Variants in MON2 observed in about 807,000 individuals in gnomAD.
The protein encoded by MON2 is protein MON2 homolog.
A neutral mutation model predicts 208.6 loss-of-function variants in MON2; 84 were observed. That is an observed-to-expected ratio of 0.40 (90% CI 0.34 to 0.48). The LOEUF (loss-of-function observed/expected upper bound fraction) is 0.48, where lower values mean the gene tolerates loss of function less well. Ranked by LOEUF, MON2 falls within the 20% of genes least tolerant of loss-of-function variation. The pLI is 0.59. For missense variants in MON2, 1,611 were observed against 2,015.4 expected (o/e 0.80, Z 3.84); for synonymous variants, 660 against 694.0 (o/e 0.95, Z 0.77).
chr12:62,553,212 G>T (rs1240715578), intron 24 of MON2, 38 bp downstream of exon 24: 2 of 1,539,454 alleles, frequency 1.3e-6, no homozygotes, highest in African/African-American at 1.4e-5. Flanking sequence ...CTTTTAATGA[G>T]TCATGCTTAT....
chr12:62,564,480 A>T (rs1396749630), intron 26 of MON2, among the ~76,000 whole-genome samples: 3 of 151,962 alleles, frequency 2.0e-5, no homozygotes, highest in Non-Finnish European at 4.4e-5. Flanking sequence ...AAATACGAAA[A>T]GAAAAATTTG....
intron 32 of MON2, among the ~76,000 whole-genome samples, chr12:62,581,835 A>G (rs1453331504): frequency 6.6e-6 from 1 of 152,222 alleles, no homozygotes; most frequent in Non-Finnish European, 1.5e-5. Flanking sequence ...CTCAAAAACA[A>G]AAAAGAAAAA....
chr12:62,527,699 C>T (rs1031912258), intron 11 of MON2, among the ~76,000 whole-genome samples: 2 of 151,712 alleles, frequency 1.3e-5, no homozygotes. Context: ...ATAATATAAC[C>T]TTGGGTAGTG....
chr12:62,507,394 C>A lies in MON2; in HGVS notation c.790-892C>A, dbSNP rs538189918. 9.2e-4 allele frequency among the ~76,000 whole-genome samples: 140 copies of A among 151,558 alleles called. 1 individual carries two copies. Among genetic ancestry groups the A allele is most frequent in the Non-Finnish European group, 1.7e-3 (116 of 67,904 alleles). ...ACAGTGGTGTGATCATGGCTCACTG[C>A]AGCCTCAACCTCCCTGGGCTCAAGT... is the stretch of plus-strand genomic sequence containing the variant. On this transcript the variant is annotated intron_variant, in intron 7 of 34. Transcript: ENST00000393630.
At chr12:62,485,199 T>C (rs1279394373) in intron 2 of MON2, among the ~76,000 whole-genome samples, 4 of 152,212 alleles carry the variant, frequency 2.6e-5, no homozygotes, top group African/African-American at 9.6e-5. Context: ...ATGTAACCAG[T>C]GCTTGCTTCA....
intron 32 of MON2, among the ~76,000 whole-genome samples, chr12:62,585,065 GCACACACACA>G (rs57834850): frequency 0.045 from 4,447 of 98,794 alleles, 187 homozygotes; most frequent in African/African-American, 0.091. Context: ...CTCTCTACAT[GCACACACACA>G]CACACACACA....
At chr12:62,586,988 A>G (rs1292199138) in intron 33 of MON2, among the ~76,000 whole-genome samples, 2 of 152,196 alleles carry the variant, frequency 1.3e-5, no homozygotes, top group Non-Finnish European at 2.9e-5. Flanking sequence ...AAATACTTCA[A>G]TGCTTACAAT....
chr12:62,487,369 T>C (rs763030826), intron 2 of MON2, among the ~76,000 whole-genome samples: 1 of 152,142 alleles, frequency 6.6e-6, no homozygotes, highest in Admixed American at 6.5e-5. Context: ...TTTGCATAAA[T>C]TTTTGTAACA....
At position 62,494,158 on chromosome 12, in the gene MON2, C is replaced by G. The variant is rs11174512; in HGVS notation, c.303+116C>G. 10 of 925,654 alleles carry G rather than the reference C, an allele frequency of 1.1e-5. No individual in the cohort carries two copies. The Admixed American group carries it at 2.6e-4, about 24-fold the overall frequency. The allele number at this position is 925,654 out of a possible 1,614,324, so 57.3% of individuals were successfully genotyped here. ...AAACTTTTACAAATAGCAATGTGCT[C>G]GGAGAAAATGGCTTTATTTAAAAAT... On this transcript the variant is annotated intron_variant, in intron 3 of 34. Coordinates refer to ENST00000393630, the MANE Select transcript of MON2 (RefSeq NM_015026.3).
At chr12:62,586,920 C>T (rs916717333) in intron 33 of MON2, among the ~76,000 whole-genome samples, 2 of 152,088 alleles carry the variant, frequency 1.3e-5, no homozygotes, top group African/African-American at 4.8e-5. Flanking sequence ...TTGTATCATT[C>T]TGTGTTTGTT....
At chr12:62,561,373 G>A (rs1404031520) in intron 26 of MON2, among the ~76,000 whole-genome samples, 1 of 151,918 alleles carries the variant, frequency 6.6e-6, no homozygotes, top group Non-Finnish European at 1.5e-5. Flanking sequence ...AGGATTTTTG[G>A]TTTGTCCACG....
chr12:62,520,114 G>A (rs2071939215), intron 8 of MON2, among the ~76,000 whole-genome samples: 1 of 152,234 alleles, frequency 6.6e-6, no homozygotes, highest in Middle Eastern at 3.4e-3. Context: ...ACACCCTGCC[G>A]ACACTTTCTT....
intron 19 of MON2, among the ~76,000 whole-genome samples, chr12:62,539,215 A>G (rs2073121742): frequency 6.6e-6 from 1 of 152,128 alleles, no homozygotes; most frequent in Non-Finnish European, 1.5e-5. Context: ...TAAAATTTAT[A>G]TAATTTAAAG....
intron 25 of MON2, among the ~76,000 whole-genome samples, chr12:62,558,467 A>G (rs1470535769): frequency 6.6e-6 from 1 of 152,166 alleles, no homozygotes; most frequent in Non-Finnish European, 1.5e-5. Context: ...TTAATAGAGA[A>G]ATTGCAGGAG....
intron 26 of MON2, among the ~76,000 whole-genome samples, chr12:62,564,677 G>A (rs1006814800): frequency 6.6e-6 from 1 of 151,734 alleles, no homozygotes. Context: ...AAATCAAATC[G>A]ATATATTTAG....
At chr12:62,565,590 T>G (rs1490097517) in intron 27 of MON2, among the ~76,000 whole-genome samples, 1 of 152,202 alleles carries the variant, frequency 6.6e-6, no homozygotes, top group Non-Finnish European at 1.5e-5. Flanking sequence ...ATGACTTTCC[T>G]CTTCCAACTG....
At chr12:62,592,487 G>T in intron 34 of MON2, 99 bp from the exon 35 acceptor site, 1 of 937,096 alleles carries the variant, frequency 1.1e-6, no homozygotes, top group Non-Finnish European at 1.5e-6. Context: ...ATGTTTCAGA[G>T]TTTTTTCTTT....
Position 62,592,894 on chromosome 12 carries a change from A to G in MON2, c.*145A>G, listed in dbSNP as rs1592495848. 5.6e-6 allele frequency: 4 copies of G among 714,252 alleles called. No individual in the cohort carries two copies. The East Asian group carries it at 8.1e-5, about 14-fold the overall frequency. 44.2% of individuals were successfully genotyped at this position (714,252 alleles called of 1,614,324 possible). Reference sequence around the variant, plus strand: ...CTTTAAATTCTACTTACCTGAGTTCAGTAATTCATATTACAGGCTTGCACA... The same window carrying G: ...CTTTAAATTCTACTTACCTGAGTTCGGTAATTCATATTACAGGCTTGCACA... On this transcript the variant is annotated 3_prime_UTR_variant, in exon 35 of 35. Coordinates refer to ENST00000393630, the MANE Select transcript of MON2 (RefSeq NM_015026.3).
At chr12:62,592,067 T>C (rs557992522) in intron 34 of MON2, among the ~76,000 whole-genome samples, 8 of 152,192 alleles carry the variant, frequency 5.3e-5, no homozygotes, top group African/African-American at 1.9e-4. Context: ...TCTAATGATA[T>C]ACATTAAAGA....
Sources: allele counts gnomAD v4.1 joint callset (sites outside exome capture counted in the v4.1 genomes callset), GRCh38; gene constraint gnomAD v4.1.1; transcripts MANE v1.5; gene names NCBI Gene and HGNC (gene_info 2026-07-23, HGNC 2026-07-21).